The following CSMD1 variants were observed in gnomAD, a reference collection of about 807,000 sequenced individuals.
The protein encoded by CSMD1 is CUB and sushi domain-containing protein 1.
CSMD1 carries 213 observed loss-of-function variants against 417.5 expected under a neutral mutation model. The observed-to-expected ratio is 0.51, with a 90% CI of 0.46 to 0.57. CSMD1 has a LOEUF of 0.57. Ranked by LOEUF, CSMD1 falls within the 20% of genes least tolerant of loss-of-function variation. CSMD1 has a pLI of 0.00. For missense variants in CSMD1, 6,923 were observed against 4,529.7 expected (o/e 1.53, Z -15.17); for synonymous variants, 2,862 against 1,736.8 (o/e 1.65, Z -16.11).
chr8:4,090,801 G>C (rs1800677386), intron 3 of CSMD1, among the ~76,000 whole-genome samples: 5 of 152,168 alleles, frequency 3.3e-5, no homozygotes, highest in Admixed American at 1.3e-4. Flanking sequence ...CGTGGTTAAA[G>C]AACATATATT....
At chr8:3,762,718 T>C (rs1345874236) in intron 5 of CSMD1, among the ~76,000 whole-genome samples, 1 of 152,132 alleles carries the variant, frequency 6.6e-6, no homozygotes, top group African/African-American at 2.4e-5. Context: ...TCTGCAAAGA[T>C]GGTCGGGGGG....
At chr8:3,216,870 C>A (rs1197410304) in intron 29 of CSMD1, among the ~76,000 whole-genome samples, 1 of 152,258 alleles carries the variant, frequency 6.6e-6, no homozygotes, top group Non-Finnish European at 1.5e-5. Context: ...AGAACTGGAT[C>A]TGTCACCTGC....
intron 1 of CSMD1, chr8:4,787,211 AG>A: frequency 6.4e-6 from 3 of 471,980 alleles, no homozygotes; most frequent in Non-Finnish European, 1.2e-5. Flanking sequence ...GGGCCCCGCC[AG>A]GGGGCGCGCC....
chr8:3,362,042 G>T (rs1358641771), intron 20 of CSMD1, among the ~76,000 whole-genome samples: 2 of 152,064 alleles, frequency 1.3e-5, no homozygotes, highest in Admixed American at 6.6e-5. Flanking sequence ...CCAACGCAAA[G>T]ATTTTGTTCT....
intron 3 of CSMD1, among the ~76,000 whole-genome samples, chr8:4,367,255 C>T (rs1448288782): frequency 2.0e-5 from 3 of 152,142 alleles, no homozygotes; most frequent in African/African-American, 7.2e-5. Context: ...TCTCATAAGT[C>T]CAGCCGGGCC....
chr8:4,895,238 C>A (rs1197540340), intron 1 of CSMD1, among the ~76,000 whole-genome samples: 1 of 152,126 alleles, frequency 6.6e-6, no homozygotes, highest in Non-Finnish European at 1.5e-5. Flanking sequence ...ACCTGAATCA[C>A]GTTCAGAGAT....
At chr8:3,008,873 G>A (rs1808165260) in intron 52 of CSMD1, among the ~76,000 whole-genome samples, 1 of 152,128 alleles carries the variant, frequency 6.6e-6, no homozygotes, top group Admixed American at 6.6e-5. Context: ...GTACTTGTTG[G>A]CCGATTTACC....
At chr8:3,722,426 C>T (rs923538098) in intron 6 of CSMD1, among the ~76,000 whole-genome samples, 8 of 152,172 alleles carry the variant, frequency 5.3e-5, no homozygotes, top group African/African-American at 1.9e-4. Context: ...AATTAAACTC[C>T]TAATCTTAAA....
intron 6 of CSMD1, among the ~76,000 whole-genome samples, chr8:3,713,190 C>T (rs992027839): frequency 2.0e-5 from 3 of 152,108 alleles, no homozygotes; most frequent in East Asian, 1.9e-4. Flanking sequence ...CTAAGGGATA[C>T]ATTAATTTTG....
At chr8:4,500,941 G>A (rs114223967) in intron 2 of CSMD1, among the ~76,000 whole-genome samples, 196 of 152,188 alleles carry the variant, frequency 1.3e-3, no homozygotes, top group African/African-American at 4.6e-3. Flanking sequence ...TTGAGAACGA[G>A]TACCCTTGTT....
At chr8:3,950,997 C>G (rs535118850) in intron 5 of CSMD1, among the ~76,000 whole-genome samples, 1 of 152,156 alleles carries the variant, frequency 6.6e-6, no homozygotes. Context: ...AAGCATAATT[C>G]AACTGAGCCC....
At position 4,068,824 on chromosome 8, in the gene CSMD1, G is replaced by A. The variant is rs1222250532; in HGVS notation, c.416-36725C>T. ...ACTGACATGAATTCATGGTATCAGT[G>A]ACATTCATGTACTGTATCAAAATGC... On this transcript the variant is annotated intron_variant, in intron 3 of 69. Transcript: ENST00000635120. 3.3e-5 allele frequency among the ~76,000 whole-genome samples: 5 copies of A among 152,110 alleles called. No homozygotes were observed. In the East Asian group the frequency reaches 9.6e-4, roughly 29 times the overall value.
At chr8:4,152,304 T>A (rs1271202353) in intron 3 of CSMD1, among the ~76,000 whole-genome samples, 1 of 152,196 alleles carries the variant, frequency 6.6e-6, no homozygotes, top group Non-Finnish European at 1.5e-5. Flanking sequence ...CTTCCAGTTA[T>A]AAATCAGCTT....
chr8:3,761,654 A>AACC (rs1798009550), intron 5 of CSMD1, among the ~76,000 whole-genome samples: 1 of 151,886 alleles, frequency 6.6e-6, no homozygotes, highest in Non-Finnish European at 1.5e-5. Flanking sequence ...TATAGGCACA[A>AACC]ACCACCACAC....
At chr8:4,366,483 A>T (rs1211711322) in intron 3 of CSMD1, among the ~76,000 whole-genome samples, 1 of 152,134 alleles carries the variant, frequency 6.6e-6, no homozygotes, top group East Asian at 1.9e-4. Context: ...TCCTGTTTTA[A>T]GTTCTTCGAT....
chr8:4,948,541 T>C (rs1003351070), intron 1 of CSMD1, among the ~76,000 whole-genome samples: 1 of 152,064 alleles, frequency 6.6e-6, no homozygotes, highest in Non-Finnish European at 1.5e-5. Flanking sequence ...ACTGGTTTTG[T>C]AAATCTGCTA....
At chr8:4,130,283 T>C (rs1262123130) in intron 3 of CSMD1, among the ~76,000 whole-genome samples, 1 of 152,200 alleles carries the variant, frequency 6.6e-6, no homozygotes, top group Non-Finnish European at 1.5e-5. Context: ...AAACGATTAG[T>C]TTAACATCTT....
intron 5 of CSMD1, among the ~76,000 whole-genome samples, chr8:3,854,370 A>T (rs923540012): frequency 6.6e-6 from 1 of 152,038 alleles, no homozygotes; most frequent in Non-Finnish European, 1.5e-5. Context: ...TGATTTTAAG[A>T]ACACAGATAA....
intron 5 of CSMD1, among the ~76,000 whole-genome samples, chr8:3,822,032 A>G (rs956287900): frequency 2.0e-5 from 3 of 152,110 alleles, no homozygotes; most frequent in Non-Finnish European, 4.4e-5. Flanking sequence ...TCAGAACACC[A>G]TGCGGTCTGA....
Sources: allele counts gnomAD v4.1 joint callset (sites outside exome capture counted in the v4.1 genomes callset), GRCh38; gene constraint gnomAD v4.1.1; transcripts MANE v1.5; gene names NCBI Gene and HGNC (gene_info 2026-07-23, HGNC 2026-07-21).